The following PKHD1 variants were observed in gnomAD, a reference collection of about 807,000 sequenced individuals.
PKHD1 encodes fibrocystin.
Under a neutral mutation model 412.0 loss-of-function variants are expected in PKHD1, and 291 were observed. The ratio of observed to expected loss-of-function variants is 0.71; its 90% CI spans 0.64 to 0.78. The LOEUF is 0.78. Among genes scored for constraint, PKHD1 ranks in the 30% least tolerant of loss-of-function variants. The pLI is 0.00. For synonymous variants in PKHD1, 1,777 were observed against 1,821.5 expected (o/e 0.98, Z 0.62); for missense variants, 4,825 against 4,950.7 (o/e 0.97, Z 0.76).
At chr6:51,895,337 G>A (rs891289620) in intron 43 of PKHD1, among the ~76,000 whole-genome samples, 3 of 151,968 alleles carry the variant, frequency 2.0e-5, no homozygotes, top group Non-Finnish European at 4.4e-5. Context: ...ACAGACAATA[G>A]AATGCAAAAA....
At chr6:51,829,041 G>A (rs1767803802) in intron 52 of PKHD1, among the ~76,000 whole-genome samples, 1 of 152,054 alleles carries the variant, frequency 6.6e-6, no homozygotes, top group Non-Finnish European at 1.5e-5. Flanking sequence ...TCATGTGAAG[G>A]CTAGAAATAA....
chr6:51,769,035 CTT>C (rs1464076558), intron 55 of PKHD1, among the ~76,000 whole-genome samples: 3 of 151,510 alleles, frequency 2.0e-5, no homozygotes, highest in African/African-American at 4.8e-5. Flanking sequence ...TTCAAATTAT[CTT>C]TGTTCACTTG....
chr6:52,021,970 C>T (rs377676102), intron 33 of PKHD1, among the ~76,000 whole-genome samples: 120 of 152,262 alleles, frequency 7.9e-4, no homozygotes, highest in African/African-American at 2.5e-3. Context: ...GGTATGTAAA[C>T]GGTTAAGTGC....
intron 43 of PKHD1, among the ~76,000 whole-genome samples, chr6:51,887,487 A>T (rs1432562197): frequency 6.6e-6 from 1 of 152,088 alleles, no homozygotes; most frequent in Admixed American, 6.5e-5. Context: ...TATTGGAGGT[A>T]GGGCCTGGTG....
Position 52,025,169 on chromosome 6 carries a change from G to A in PKHD1, c.4641C>T (p.Pro1547=), listed in dbSNP as rs182552778. The change falls in exon 32 of 67, where the codon CCC becomes CCT. Residue 1547 remains proline (P), a synonymous_variant. Coordinates refer to ENST00000371117, the MANE Select transcript of PKHD1 (RefSeq NM_138694.4). ...TTGTATAAAAAACTGACAGGTAGTGGGGTCCTGGGGCCAAGTCTCTTGTCT... is the reference window on the plus strand; with the variant it reads ...TTGTATAAAAAACTGACAGGTAGTGAGGTCCTGGGGCCAAGTCTCTTGTCT... The part of the protein sequence containing the change: ...VCQTRDLAPG[P]HYLSVFYTRN... The A allele has an allele frequency of 6.2e-7, 1 of 1,614,142 alleles. No homozygotes were observed. The highest frequency in any genetic ancestry group is 2.2e-5 in the East Asian group (1 of 44,878).
In PKHD1 at chr6:51,977,793, C is replaced by T. The variant is rs1794649346; in HGVS notation, c.5752-17767G>A. Among the ~76,000 whole-genome samples, 4 of 152,176 alleles carry T rather than the reference C, an allele frequency of 2.6e-5. No homozygotes were observed. The South Asian group carries it at 8.3e-4, about 32-fold the overall frequency. Reference sequence around the variant, plus strand: ...GGAAAGTCTAAAGACAAGAGACTGGCTGGAGCTGCCCTTGCCCAGTGGCAG... The same window carrying T: ...GGAAAGTCTAAAGACAAGAGACTGGTTGGAGCTGCCCTTGCCCAGTGGCAG... On this transcript the variant is annotated intron_variant, in intron 35 of 66. Transcript: ENST00000371117.
intron 46 of PKHD1, among the ~76,000 whole-genome samples, chr6:51,874,948 T>C (rs1447182761): frequency 5.2e-5 from 4 of 77,338 alleles, no homozygotes; most frequent in Non-Finnish European, 6.9e-5. Flanking sequence ...TTGCCTCACC[T>C]GGGAAGCGCA....
intron 60 of PKHD1, among the ~76,000 whole-genome samples, chr6:51,736,939 A>G (rs1783930831): frequency 6.6e-6 from 1 of 152,202 alleles, no homozygotes; most frequent in Non-Finnish European, 1.5e-5. Context: ...ACGTCACCAC[A>G]ATACCTGAGC....
chr6:52,017,597 C>A lies in PKHD1; in HGVS notation c.5413G>T (p.Glu1805Ter). 1 of 1,613,868 alleles carries A rather than the reference C, an allele frequency of 6.2e-7. No homozygotes were observed. The highest frequency in any genetic ancestry group is 8.5e-7 in the Non-Finnish European group (1 of 1,179,944). Residue 1805 changes from glutamate to a stop codon, truncating the protein, a stop_gained, in exon 34 of 67, where the codon GAG becomes TAG. Coordinates refer to ENST00000371117, the MANE Select transcript of PKHD1 (RefSeq NM_138694.4). LOFTEE classifies it high-confidence loss of function. ...CTGGCAGCCTCACAGCTGTCCTCCT[C>A]ACGCTTCAGGCCACACAGGAAGGCC... ...SLAFLCGLKR[E>*]EDSCEAARHT...
chr6:51,934,263 C>G lies in PKHD1; in HGVS notation c.5968G>C (p.Val1990Leu). ...ATCCGGAGCTCTCCACCATCAGAAA[C>G]AAGGATGGCGTGTGCCCTGAGCTCG... ...PIELRAHAILVSDGGELRIGS... is the reference protein window; with the variant it reads ...PIELRAHAILLSDGGELRIGS... The change falls in exon 37 of 67, where the codon GTT becomes CTT. Residue 1990 changes from valine to leucine, a missense_variant. By Grantham distance (32) the Val-to-Leu change is conservative (BLOSUM62 1). Transcript: ENST00000371117. The G allele has an allele frequency of 6.2e-7, 1 of 1,613,754 alleles. No homozygotes were observed. Among genetic ancestry groups the G allele is most frequent in the East Asian group, 2.2e-5 (1 of 44,872 alleles).
chr6:51,859,659 C>T (rs1398201102), intron 48 of PKHD1, among the ~76,000 whole-genome samples: 1 of 151,916 alleles, frequency 6.6e-6, no homozygotes, highest in Non-Finnish European at 1.5e-5. Flanking sequence ...CTTAATTGCT[C>T]GTCAAATTTC....
At chr6:51,874,216 C>G (rs1351239813) in intron 46 of PKHD1, among the ~76,000 whole-genome samples, 1 of 152,240 alleles carries the variant, frequency 6.6e-6, no homozygotes, top group South Asian at 2.1e-4. Context: ...ACAATAACAA[C>G]GAAGACAGCC....
Position 52,043,070 on chromosome 6 carries a change from C to A in PKHD1, c.2886G>T (p.Leu962Phe). The A allele has an allele frequency of 1.2e-6, 2 of 1,613,770 alleles. No individual in the cohort carries two copies. Among genetic ancestry groups the A allele is most frequent in the Non-Finnish European group, 8.5e-7 (1 of 1,179,702 alleles). The part of the protein sequence containing the change: ...GTGFSGDSQF[L>F]QVTVNKTSCK... Reference sequence around the variant, plus strand: ...AACTCGTTTTGTTCACTGTAACCTGCAAGAACTGGGAGTCACCAGAGAAAC... The same window carrying A: ...AACTCGTTTTGTTCACTGTAACCTGAAAGAACTGGGAGTCACCAGAGAAAC... The change falls in exon 27 of 67, where the codon TTG (leucine) becomes TTT (phenylalanine). Residue 962 changes from leucine (L) to phenylalanine (F), a missense_variant. Physicochemically the swap from Leu to Phe is conservative, Grantham distance 22 (BLOSUM62 0). Transcript: ENST00000371117.
intron 53 of PKHD1, among the ~76,000 whole-genome samples, chr6:51,784,154 T>C (rs1368699981): frequency 6.6e-6 from 1 of 152,194 alleles, no homozygotes; most frequent in African/African-American, 2.4e-5. Context: ...CATTACCGAA[T>C]GCAGTAATGG....
intron 60 of PKHD1, among the ~76,000 whole-genome samples, chr6:51,692,964 T>A (rs1778356694): frequency 6.6e-6 from 1 of 152,214 alleles, no homozygotes; most frequent in African/African-American, 2.4e-5. Context: ...ATTTAACTCT[T>A]AGGGCATCAC....
At chr6:51,739,514 A>T (rs1784292467) in intron 60 of PKHD1, among the ~76,000 whole-genome samples, 1 of 152,194 alleles carries the variant, frequency 6.6e-6, no homozygotes, top group Non-Finnish European at 1.5e-5. Flanking sequence ...TATAGGCATG[A>T]GCCACAGATC....
chr6:52,025,890 T>A lies in PKHD1; in HGVS notation c.3920A>T (p.Gln1307Leu), dbSNP rs572226863. Reference protein sequence around the residue: ...AAATPVVTAMQGEITNSSLSL... With the variant: ...AAATPVVTAMLGEITNSSLSL... The stretch of plus-strand genomic sequence containing the variant: ...CAGGCTGCTATTTGTGATTTCTCCT[T>A]GCATGGCAGTGACTACTGGTGTTGC... The change falls in exon 32 of 67, where the codon CAA becomes CTA. Residue 1307 changes from glutamine (Q) to leucine (L), a missense_variant. Coordinates refer to ENST00000371117, the MANE Select transcript of PKHD1 (RefSeq NM_138694.4). The A allele has an allele frequency of 4.0e-5, 65 of 1,614,036 alleles. No individual in the cohort carries two copies. The highest frequency in any genetic ancestry group is 1.3e-4 in the Admixed American group (8 of 59,998).
chr6:51,635,876 C>CGGG (rs1581768607), intron 64 of PKHD1, among the ~76,000 whole-genome samples: 18 of 41,470 alleles, frequency 4.3e-4, no homozygotes, highest in Admixed American at 1.2e-3. Context: ...GGCGGGGGGC[C>CGGG]GGGGGCGGAT....
intron 65 of PKHD1, among the ~76,000 whole-genome samples, chr6:51,627,350 C>G (rs1767383392): frequency 6.6e-6 from 1 of 151,950 alleles, no homozygotes; most frequent in South Asian, 2.1e-4. Flanking sequence ...CATGTGGCTA[C>G]TGATCACTTA....
Sources: gnomAD v4.1 joint callset for allele counts (sites outside exome capture counted in the v4.1 genomes callset) on GRCh38, gnomAD v4.1.1 for gene constraint, MANE v1.5 for transcripts, NCBI Gene and HGNC (gene_info 2026-07-23, HGNC 2026-07-21) for gene names.